The following CNTN5 variants were observed in gnomAD, a reference collection of about 807,000 sequenced individuals.
The protein encoded by CNTN5 is contactin 5.
Under a neutral mutation model 129.1 loss-of-function variants are expected in CNTN5, and 77 were observed. That is an observed-to-expected ratio of 0.60 (90% CI 0.50 to 0.72). The LOEUF (loss-of-function observed/expected upper bound fraction) is 0.72, where lower values mean the gene tolerates loss of function less well. Ranked by LOEUF, CNTN5 falls within the 30% of genes least tolerant of loss-of-function variation. The probability of loss-of-function intolerance (pLI) is 0.00; values close to 1 mark genes in which losing one functional copy is unlikely to be tolerated. For synonymous variants in CNTN5, 509 were observed against 465.6 expected (o/e 1.09, Z -1.20); for missense variants, 1,478 against 1,328.8 (o/e 1.11, Z -1.75).
chr11:100,005,769 A>C (rs1193781183), intron 9 of CNTN5, among the ~76,000 whole-genome samples: 1 of 152,118 alleles, frequency 6.6e-6, no homozygotes, highest in Non-Finnish European at 1.5e-5. Context: ...ATGGAGTGAA[A>C]AATATTTATA....
At chr11:99,348,286 C>T (rs1033137422) in intron 2 of CNTN5, among the ~76,000 whole-genome samples, 5 of 152,096 alleles carry the variant, frequency 3.3e-5, no homozygotes, top group Non-Finnish European at 5.9e-5. Flanking sequence ...TTGCAGTGAG[C>T]CAAGATTGTG....
At chr11:99,954,840 C>T (rs1378485105) in intron 7 of CNTN5, among the ~76,000 whole-genome samples, 2 of 152,110 alleles carry the variant, frequency 1.3e-5, no homozygotes, top group Non-Finnish European at 2.9e-5. Flanking sequence ...TTATGAAATG[C>T]TTCACTACAT....
intron 3 of CNTN5, among the ~76,000 whole-genome samples, chr11:99,710,518 G>T (rs984384858): frequency 2.0e-4 from 31 of 151,596 alleles, no homozygotes; most frequent in Non-Finnish European, 3.5e-4. Context: ...CAAGGGGCAT[G>T]GCCCCTACTG....
chr11:99,560,556 G>T (rs1019988737), intron 3 of CNTN5, among the ~76,000 whole-genome samples: 1 of 152,064 alleles, frequency 6.6e-6, no homozygotes, highest in African/African-American at 2.4e-5. Context: ...CTCCCAAACT[G>T]CTGGGATAAC....
intron 13 of CNTN5, among the ~76,000 whole-genome samples, chr11:100,087,396 C>CA (rs371667559): frequency 6.6e-6 from 1 of 150,522 alleles, no homozygotes; most frequent in East Asian, 2.0e-4. Context: ...AAATTTCTAC[C>CA]AAAAAAAATA....
intron 1 of CNTN5, among the ~76,000 whole-genome samples, chr11:99,239,943 A>AC (rs199874561): frequency 0.08 from 11,033 of 137,418 alleles, 504 homozygotes; most frequent in Middle Eastern, 0.15. Context: ...TCTCAAAAAA[A>AC]AAAAAAAAAA....
intron 4 of CNTN5, among the ~76,000 whole-genome samples, chr11:99,823,627 T>G (rs967539946): frequency 1.3e-5 from 2 of 152,190 alleles, no homozygotes; most frequent in Non-Finnish European, 2.9e-5. Flanking sequence ...CATTAGAAAT[T>G]GTCAAATATT....
At chr11:99,143,496 G>A (rs1223430968) in intron 1 of CNTN5, among the ~76,000 whole-genome samples, 1 of 150,436 alleles carries the variant, frequency 6.6e-6, no homozygotes, top group Non-Finnish European at 1.5e-5. Flanking sequence ...GATATTTTTT[G>A]TATATGACAA....
At chr11:99,026,686 A>G (rs1333468672) in intron 1 of CNTN5, among the ~76,000 whole-genome samples, 1 of 151,650 alleles carries the variant, frequency 6.6e-6, no homozygotes, top group Admixed American at 6.6e-5. Flanking sequence ...CCTACTCATA[A>G]TAAACAAAGT....
intron 2 of CNTN5, among the ~76,000 whole-genome samples, chr11:99,393,605 T>C (rs1941375139): frequency 6.6e-6 from 1 of 151,802 alleles, no homozygotes; most frequent in African/African-American, 2.4e-5. Flanking sequence ...CTGTGTCCTG[T>C]TGCTTTTCTC....
intron 13 of CNTN5, among the ~76,000 whole-genome samples, chr11:100,077,384 A>T (rs907187938): frequency 1.1e-4 from 17 of 152,196 alleles, no homozygotes; most frequent in African/African-American, 4.1e-4. Flanking sequence ...ATGTTGAATG[A>T]GTTAGTGTTG....
At chr11:99,836,111 C>T (rs1472326294) in intron 4 of CNTN5, among the ~76,000 whole-genome samples, 2 of 149,626 alleles carry the variant, frequency 1.3e-5, no homozygotes, top group Non-Finnish European at 3.0e-5. Flanking sequence ...GTGGTTTGTT[C>T]ATGCCTCCCC....
chr11:99,750,848 T>C (rs1161626417), intron 3 of CNTN5, among the ~76,000 whole-genome samples: 3 of 152,226 alleles, frequency 2.0e-5, no homozygotes, highest in East Asian at 1.9e-4. Context: ...TTAGAATCTT[T>C]TGTGAGCAAT....
chr11:99,724,548 G>A (rs367826048), intron 3 of CNTN5, among the ~76,000 whole-genome samples: 15 of 152,124 alleles, frequency 9.9e-5, no homozygotes, highest in Admixed American at 5.9e-4. Flanking sequence ...TGTGAGGACA[G>A]GTACTATTAT....
In CNTN5 at chr11:100,093,332, C is replaced by G. The variant is rs117763529; in HGVS notation, c.1580+19038C>G. Reference sequence around the variant, plus strand: ...CTGGAGTGCAGTGGCAAGACCATAGCGCACTGTAATCTGGAACTCCTGGGC... The same window carrying G: ...CTGGAGTGCAGTGGCAAGACCATAGGGCACTGTAATCTGGAACTCCTGGGC... On this transcript the variant is annotated intron_variant, in intron 13 of 24. Coordinates refer to ENST00000524871, the MANE Select transcript of CNTN5 (RefSeq NM_014361.4). 7.9e-5 allele frequency among the ~76,000 whole-genome samples: 12 copies of G among 152,216 alleles called. No homozygotes were observed. The East Asian group carries it at 1.9e-3, about 25-fold the overall frequency.
intron 2 of CNTN5, among the ~76,000 whole-genome samples, chr11:99,543,378 G>A (rs1407935712): frequency 6.6e-6 from 1 of 152,086 alleles, no homozygotes; most frequent in African/African-American, 2.4e-5. Context: ...ATACATTTCT[G>A]GAAAATATTA....
At chr11:99,348,250 A>G (rs1381977935) in intron 2 of CNTN5, among the ~76,000 whole-genome samples, 1 of 152,036 alleles carries the variant, frequency 6.6e-6, no homozygotes, top group East Asian at 1.9e-4. Flanking sequence ...GAGGCAGGAG[A>G]ATGGCGTGAA....
chr11:100,114,548 G>T (rs1226967291), intron 13 of CNTN5, among the ~76,000 whole-genome samples: 1 of 151,882 alleles, frequency 6.6e-6, no homozygotes, highest in East Asian at 1.9e-4. Flanking sequence ...AACCTTCAGG[G>T]CTCGCCTTTG....
rs1365987984 is a variant in CNTN5, at chr11:99,554,857, C to A, written c.-70-1288C>A. On this transcript the variant is annotated intron_variant, in intron 2 of 24. Transcript: ENST00000524871. Reference sequence around the variant, plus strand: ...ATAACCAAGATGCTTTAAATTGTCACAATTAGCTATGAGGTTGTTATTTAG... The same window carrying A: ...ATAACCAAGATGCTTTAAATTGTCAAAATTAGCTATGAGGTTGTTATTTAG... Among the ~76,000 whole-genome samples, 3 of 151,898 alleles carry A rather than the reference C, an allele frequency of 2.0e-5. No homozygotes were observed. The East Asian group carries it at 5.8e-4, about 29-fold the overall frequency.
Sources: gnomAD v4.1 joint callset for allele counts (sites outside exome capture counted in the v4.1 genomes callset) on GRCh38, gnomAD v4.1.1 for gene constraint, MANE v1.5 for transcripts, NCBI Gene and HGNC (gene_info 2026-07-23, HGNC 2026-07-21) for gene names.